The following RAB2A variants were observed in gnomAD, a reference collection of about 807,000 sequenced individuals.
RAB2A encodes the protein RAB2A, member RAS oncogene family.
RAB2A carries 7 observed loss-of-function variants against 32.5 expected under a neutral mutation model. That is an observed-to-expected ratio of 0.22 (90% CI 0.12 to 0.40). RAB2A has a LOEUF of 0.40. Ranked by LOEUF, RAB2A falls within the 10% of genes least tolerant of loss-of-function variation. RAB2A has a pLI of 1.00. For missense variants in RAB2A, 108 were observed against 260.7 expected (o/e 0.41, Z 4.03); for synonymous variants, 79 against 85.2 (o/e 0.93, Z 0.40).
At chr8:60,616,582 A>G (rs758904974) in intron 6 of RAB2A, among the ~76,000 whole-genome samples, 5 of 152,272 alleles carry the variant, frequency 3.3e-5, no homozygotes, top group African/African-American at 7.2e-5. Context: ...ATCAATTCAT[A>G]CTTGGCTGAA....
At chr8:60,600,922 G>A (rs370342900) in intron 6 of RAB2A, among the ~76,000 whole-genome samples, 15 of 152,288 alleles carry the variant, frequency 9.8e-5, no homozygotes, top group African/African-American at 3.6e-4. Context: ...CACTACTGGG[G>A]GGAAACTACA....
rs961879742 is a variant in RAB2A at position 60,544,857 on chromosome 8, T to C, written c.47-13995T>C. On this transcript the variant is annotated intron_variant, in intron 1 of 7. Transcript: ENST00000262646. ...TTCTGTTTGAAAAGGGCAGACTTTA[T>C]TTTTTCATGTTTCACGGTTTTTCAG... 1.3e-5 allele frequency among the ~76,000 whole-genome samples: 2 copies of C among 152,174 alleles called. 1 individual carries two copies. The highest frequency in any genetic ancestry group is 1.3e-4 in the Admixed American group (2 of 15,274).
At chr8:60,561,999 C>G (rs906222625) in intron 2 of RAB2A, among the ~76,000 whole-genome samples, 2 of 152,152 alleles carry the variant, frequency 1.3e-5, no homozygotes, top group African/African-American at 4.8e-5. Context: ...TTCCCTAACA[C>G]GTATAGACAC....
chr8:60,540,492 TTC>T (rs34612693), intron 1 of RAB2A, among the ~76,000 whole-genome samples: 34,663 of 152,034 alleles, frequency 0.23, 4,032 homozygotes, highest in Middle Eastern at 0.38. Flanking sequence ...CCTCCCTTTC[TTC>T]TTTTTGAGAC....
At chr8:60,570,721 A>T (rs1463210509) in intron 2 of RAB2A, among the ~76,000 whole-genome samples, 1 of 152,184 alleles carries the variant, frequency 6.6e-6, no homozygotes, top group Non-Finnish European at 1.5e-5. Flanking sequence ...AAACATAAAC[A>T]TCATCTTAGT....
intron 1 of RAB2A, among the ~76,000 whole-genome samples, chr8:60,543,239 T>C (rs1331755322): frequency 6.6e-6 from 1 of 152,204 alleles, no homozygotes; most frequent in African/African-American, 2.4e-5. Context: ...GTCACATTTC[T>C]GGAGGCCAGA....
intron 1 of RAB2A, among the ~76,000 whole-genome samples, chr8:60,517,578 C>A (rs1171688324): frequency 6.6e-6 from 1 of 152,044 alleles, no homozygotes. Flanking sequence ...ATGACTGCAC[C>A]CCACCCCCAG....
intron 2 of RAB2A, among the ~76,000 whole-genome samples, chr8:60,563,742 A>G (rs1361113665): frequency 6.6e-6 from 1 of 152,110 alleles, no homozygotes; most frequent in East Asian, 1.9e-4. Flanking sequence ...TTTAGTCCCT[A>G]ATTACTAACA....
intron 3 of RAB2A, among the ~76,000 whole-genome samples, chr8:60,577,590 CCT>C (rs561095436): frequency 1.3e-5 from 2 of 151,934 alleles, no homozygotes; most frequent in South Asian, 4.2e-4. Flanking sequence ...CAAAATATTT[CCT>C]CTCAATTATA....
At chr8:60,582,519 G>T (rs959070208) in intron 3 of RAB2A, among the ~76,000 whole-genome samples, 14 of 151,894 alleles carry the variant, frequency 9.2e-5, no homozygotes, top group Non-Finnish European at 2.1e-4. Context: ...CTTTTTTGTT[G>T]TTTTTTTGTT....
chr8:60,525,986 T>C (rs971699950), intron 1 of RAB2A, among the ~76,000 whole-genome samples: 1 of 144,488 alleles, frequency 6.9e-6, no homozygotes, highest in African/African-American at 2.5e-5. Flanking sequence ...TGTCTATATG[T>C]ATATATGTCT....
intron 6 of RAB2A, among the ~76,000 whole-genome samples, chr8:60,610,100 G>A (rs1335105725): frequency 1.3e-5 from 2 of 151,840 alleles, no homozygotes; most frequent in Non-Finnish European, 2.9e-5. Flanking sequence ...ATAATGGCAG[G>A]CTAGGTAAAC....
chr8:60,574,168 A>C (rs1298634678), intron 3 of RAB2A, among the ~76,000 whole-genome samples: 12 of 152,198 alleles, frequency 7.9e-5, no homozygotes, highest in Admixed American at 7.9e-4. Flanking sequence ...CTAAGATGTC[A>C]GCTCTTTGGT....
At chr8:60,612,155 T>C (rs1804361991) in intron 6 of RAB2A, among the ~76,000 whole-genome samples, 2 of 152,238 alleles carry the variant, frequency 1.3e-5, no homozygotes, top group South Asian at 4.1e-4. Context: ...CAGGTCCCAG[T>C]GTGTGATGTT....
chr8:60,562,356 T>C (rs1808037343), intron 2 of RAB2A, among the ~76,000 whole-genome samples: 2 of 152,198 alleles, frequency 1.3e-5, no homozygotes, highest in African/African-American at 4.8e-5. Flanking sequence ...AAAGCAAATT[T>C]TATGGAAGAT....
intron 6 of RAB2A, among the ~76,000 whole-genome samples, chr8:60,605,670 T>C (rs192891736): frequency 6.6e-6 from 1 of 152,246 alleles, no homozygotes; most frequent in East Asian, 1.9e-4. Context: ...ATTTGATGAC[T>C]GCCCTGCTGG....
chr8:60,558,731 A>G, intron 1 of RAB2A, 121 bp from the exon 2 acceptor site: 1 of 804,946 alleles, frequency 1.2e-6, no homozygotes, highest in Non-Finnish European at 2.1e-6. Context: ...GTACTGAGGA[A>G]ATCATGGTAG....
At chr8:60,524,799 A>G (rs368728665) in intron 1 of RAB2A, among the ~76,000 whole-genome samples, 3 of 152,190 alleles carry the variant, frequency 2.0e-5, no homozygotes, top group East Asian at 1.9e-4. Flanking sequence ...CTGGTAAGCC[A>G]TGGGCCTTTT....
chr8:60,592,046 T>A (rs1206525045), intron 6 of RAB2A, 77 bp downstream of exon 6: 7 of 874,786 alleles, frequency 8.0e-6, no homozygotes, highest in African/African-American at 1.7e-5. Context: ...TTACTTATTA[T>A]TTAAGTTTTT....
Sources: allele counts gnomAD v4.1 joint callset (sites outside exome capture counted in the v4.1 genomes callset), GRCh38; gene constraint gnomAD v4.1.1; transcripts MANE v1.5; gene names NCBI Gene and HGNC (gene_info 2026-07-23, HGNC 2026-07-21).